WDFY2: variants seen among roughly 807,000 people sequenced by gnomAD.
WDFY2 encodes the protein WD repeat and FYVE domain-containing protein 2.
WDFY2 carries 36 observed loss-of-function variants against 56.4 expected under a neutral mutation model. The ratio of observed to expected loss-of-function variants is 0.64; its 90% CI spans 0.49 to 0.84. The LOEUF is 0.84. WDFY2 is among the 40% of genes least tolerant of loss of function. The pLI is 0.00. For missense variants in WDFY2, 444 were observed against 512.2 expected (o/e 0.87, Z 1.29); for synonymous variants, 176 against 183.7 (o/e 0.96, Z 0.34).
At chr13:51,678,592 G>A (rs1302440045) in intron 3 of WDFY2, among the ~76,000 whole-genome samples, 2 of 152,174 alleles carry the variant, frequency 1.3e-5, no homozygotes, top group Non-Finnish European at 2.9e-5. Flanking sequence ...TGTGCTAACT[G>A]CTATTCATGC....
chr13:51,619,446 A>C (rs1013636734), intron 1 of WDFY2, among the ~76,000 whole-genome samples: 2 of 149,534 alleles, frequency 1.3e-5, no homozygotes, highest in African/African-American at 4.9e-5. Flanking sequence ...AAAAAAAAAA[A>C]CAAAAAACAA....
chr13:51,594,995 G>T (rs796956653), intron 1 of WDFY2, among the ~76,000 whole-genome samples: 93 of 151,890 alleles, frequency 6.1e-4, no homozygotes, highest in African/African-American at 2.2e-3. Flanking sequence ...TTTTGTTTTT[G>T]TAGAGTTCTG....
intron 3 of WDFY2, among the ~76,000 whole-genome samples, chr13:51,688,849 A>G (rs1466465709): frequency 6.6e-6 from 1 of 152,188 alleles, no homozygotes; most frequent in Non-Finnish European, 1.5e-5. Flanking sequence ...ATCAGCAACT[A>G]AACTGTCTAA....
At chr13:51,634,442 T>G (rs1955008451) in intron 1 of WDFY2, among the ~76,000 whole-genome samples, 2 of 152,166 alleles carry the variant, frequency 1.3e-5, no homozygotes, top group Admixed American at 6.5e-5. Context: ...TACACAAAGA[T>G]TTAAAAATAT....
At chr13:51,644,316 TC>T (rs1246963057) in intron 1 of WDFY2, among the ~76,000 whole-genome samples, 1 of 152,222 alleles carries the variant, frequency 6.6e-6, no homozygotes, top group African/African-American at 2.4e-5. Flanking sequence ...CTTCCCCCTC[TC>T]GAGGGTCTTA....
At chr13:51,701,800 A>G (rs960926890) in intron 3 of WDFY2, among the ~76,000 whole-genome samples, 4 of 152,178 alleles carry the variant, frequency 2.6e-5, no homozygotes, top group South Asian at 2.1e-4. Context: ...TATGAACAAT[A>G]TGAACTCAGA....
intron 5 of WDFY2, among the ~76,000 whole-genome samples, chr13:51,724,646 C>T (rs1952566494): frequency 6.6e-6 from 1 of 152,190 alleles, no homozygotes; most frequent in Non-Finnish European, 1.5e-5. Context: ...ACATGCATGG[C>T]CTCCCCATTA....
intron 5 of WDFY2, among the ~76,000 whole-genome samples, chr13:51,724,483 C>A (rs1212411465): frequency 6.6e-6 from 1 of 152,158 alleles, no homozygotes; most frequent in Non-Finnish European, 1.5e-5. Context: ...GTGATCCGAC[C>A]GCCTCGGCCT....
chr13:51,710,246 G>A (rs1485074620), intron 4 of WDFY2, among the ~76,000 whole-genome samples: 3 of 152,144 alleles, frequency 2.0e-5, no homozygotes, highest in African/African-American at 7.2e-5. Flanking sequence ...AGCCCTTCAT[G>A]CTAAAAACTC....
rs191191202 is a variant in WDFY2 at position 51,651,735 on chromosome 13, T to A, written c.138-8861T>A. Among the ~76,000 whole-genome samples the A allele has an allele frequency of 3.9e-4, 59 of 152,230 alleles. 1 individual carries two copies. The highest frequency in any genetic ancestry group is 3.4e-3 in the Middle Eastern group (1 of 294). On this transcript the variant is annotated intron_variant, in intron 1 of 11. Transcript: ENST00000298125. The stretch of plus-strand genomic sequence containing the variant: ...ATGTAGTTGGGCAGTTTTGAGTGAG[T>A]TTCTTAATGCTGAGTTCTAGTTTGA...
At chr13:51,603,474 C>T (rs1448621802) in intron 1 of WDFY2, among the ~76,000 whole-genome samples, 1 of 152,170 alleles carries the variant, frequency 6.6e-6, no homozygotes, top group African/African-American at 2.4e-5. Context: ...TTTGGGGATA[C>T]TCATGACTTC....
intron 1 of WDFY2, among the ~76,000 whole-genome samples, chr13:51,648,667 C>T (rs1955308387): frequency 6.6e-6 from 1 of 152,126 alleles, no homozygotes; most frequent in Non-Finnish European, 1.5e-5. Flanking sequence ...CAGCAGACTA[C>T]CATGGCACAC....
chr13:51,696,872 G>C (rs1307935105), intron 3 of WDFY2, among the ~76,000 whole-genome samples: 1 of 152,126 alleles, frequency 6.6e-6, no homozygotes, highest in Non-Finnish European at 1.5e-5. Context: ...AGCATTAAGA[G>C]AATCTACTTA....
At chr13:51,596,318 A>G (rs1331936971) in intron 1 of WDFY2, among the ~76,000 whole-genome samples, 1 of 152,172 alleles carries the variant, frequency 6.6e-6, no homozygotes. Flanking sequence ...TGCTGTTTGA[A>G]TGGATTAAAT....
At chr13:51,732,860 A>G (rs78389024) in intron 6 of WDFY2, among the ~76,000 whole-genome samples, 7,760 of 152,304 alleles carry the variant, frequency 0.051, 247 homozygotes, top group Middle Eastern at 0.082. Flanking sequence ...GCCCTTATCC[A>G]TCTTCCAGCC....
At chr13:51,698,266 T>C (rs1227445741) in intron 3 of WDFY2, among the ~76,000 whole-genome samples, 6 of 152,210 alleles carry the variant, frequency 3.9e-5, no homozygotes, top group African/African-American at 7.2e-5. Flanking sequence ...AAAATTCTTA[T>C]TGAATATTAG....
chr13:51,725,248 T>C (rs1302056995), intron 5 of WDFY2, among the ~76,000 whole-genome samples: 6 of 152,222 alleles, frequency 3.9e-5, no homozygotes, highest in Non-Finnish European at 5.9e-5. Context: ...CAATACTAAA[T>C]AACAATAAGA....
chr13:51,660,376 T>C lies in WDFY2; in HGVS notation c.138-220T>C, dbSNP rs1032669441. On this transcript the variant is annotated intron_variant, in intron 1 of 11. Transcript: ENST00000298125. ...TACTCTCAGCTAATTTTTTTTTTTT[T>C]TTCAGTAGAGACAGGGTTTCACCAT... Among the ~76,000 whole-genome samples the C allele has an allele frequency of 5.9e-5, 9 of 152,014 alleles. No homozygotes were observed. In the South Asian group the frequency reaches 1.7e-3, roughly 28 times the overall value.
chr13:51,597,785 C>G (rs577229636), intron 1 of WDFY2, among the ~76,000 whole-genome samples: 1 of 152,254 alleles, frequency 6.6e-6, no homozygotes, highest in South Asian at 2.1e-4. Flanking sequence ...GTTTGTTTCC[C>G]TTGAAGAAAT....
Sources: allele counts gnomAD v4.1 joint callset (sites outside exome capture counted in the v4.1 genomes callset), GRCh38; gene constraint gnomAD v4.1.1; transcripts MANE v1.5; gene names NCBI Gene and HGNC (gene_info 2026-07-23, HGNC 2026-07-21).